Variants in ASTN1 observed in about 807,000 individuals in gnomAD.
ASTN1 encodes astrotactin 1, also known as astrotactin-1.
A neutral mutation model predicts 140.7 loss-of-function variants in ASTN1; 41 were observed. That is an observed-to-expected ratio of 0.29 (90% confidence interval 0.23 to 0.38). The LOEUF is 0.38. ASTN1 is among the 10% of genes least tolerant of loss of function. ASTN1 has a pLI of 1.00. For missense variants in ASTN1, 1,479 were observed against 1,678.8 expected, an observed-to-expected ratio of 0.88 and a Z score of 2.08; for synonymous variants, 640 against 652.2, an observed-to-expected ratio of 0.98 and a Z score of 0.29.
At chr1:176,892,523 A>G (rs920714199) in intron 17 of ASTN1, among the ~76,000 whole-genome samples, 6 of 152,224 alleles carry the variant, frequency 3.9e-5, no homozygotes, top group African/African-American at 1.4e-4. Context: ...GCCACACAAC[A>G]AGTATGAGTT....
In ASTN1 at chr1:176,894,686, C is replaced by T; in HGVS notation, c.2816G>A (p.Cys939Tyr). Residue 939 changes from cysteine to tyrosine, a missense_variant, in exon 17 of 23, where the codon TGC (cysteine) becomes TAC (tyrosine). Physicochemically the swap from Cys to Tyr is radical, Grantham distance 194 (BLOSUM62 -2). Transcript: ENST00000361833. ...VRMECHSKGRCPSSCPLCHVT... is the reference protein window; with the variant it reads ...VRMECHSKGRYPSSCPLCHVT... ...ATGACACAGGGGGCAGGACGAGGGG[C>T]ATCGTCCCTTGCTGTGGCACTCCAT... The T allele has an allele frequency of 6.2e-7, 1 of 1,614,122 alleles. No homozygotes were observed. Among genetic ancestry groups the T allele is most frequent in the Non-Finnish European group, 8.5e-7 (1 of 1,180,032 alleles).
At chr1:176,967,968 G>C (rs1167923007) in intron 8 of ASTN1, among the ~76,000 whole-genome samples, 2 of 151,630 alleles carry the variant, frequency 1.3e-5, no homozygotes, top group African/African-American at 4.8e-5. Flanking sequence ...TTAGAGGCAG[G>C]AGTGTAGTGT....
At chr1:176,981,876 T>C (rs1673636816) in intron 8 of ASTN1, 1 of 152,506 alleles carries the variant, frequency 6.6e-6, no homozygotes, top group African/African-American at 2.4e-5. Context: ...AACATTTCTA[T>C]ATGAGAAATG....
intron 19 of ASTN1, 107 bp downstream of exon 19, chr1:176,884,232 C>G: frequency 3.0e-6 from 4 of 1,339,402 alleles, no homozygotes; most frequent in Non-Finnish European, 4.1e-6. Context: ...CCTGCATTGC[C>G]CTGGGATACT....
chr1:176,924,166 T>A (rs997182411), intron 16 of ASTN1, among the ~76,000 whole-genome samples: 3 of 152,176 alleles, frequency 2.0e-5, no homozygotes, highest in African/African-American at 7.2e-5. Context: ...CTTCTCTACA[T>A]ACCCCATCCA....
chr1:177,099,821 G>A (rs888026094), intron 1 of ASTN1, among the ~76,000 whole-genome samples: 28 of 152,142 alleles, frequency 1.8e-4, no homozygotes, highest in African/African-American at 6.8e-4. Flanking sequence ...AATGACATCA[G>A]AGAAGTGTGA....
chr1:177,059,542 G>A (rs1199738218), intron 2 of ASTN1, among the ~76,000 whole-genome samples: 1 of 152,152 alleles, frequency 6.6e-6, no homozygotes, highest in Non-Finnish European at 1.5e-5. Context: ...GGATATTAAG[G>A]CTTAACATTT....
At chr1:176,965,994 A>G (rs1348076219) in intron 8 of ASTN1, among the ~76,000 whole-genome samples, 1 of 152,218 alleles carries the variant, frequency 6.6e-6, no homozygotes, top group East Asian at 1.9e-4. Flanking sequence ...TTTCTTTTAA[A>G]TAGTGTATAT....
intron 1 of ASTN1, among the ~76,000 whole-genome samples, chr1:177,121,892 C>T (rs901435978): frequency 6.6e-6 from 1 of 152,172 alleles, no homozygotes; most frequent in African/African-American, 2.4e-5. Context: ...GAAATGGTGG[C>T]CCTGCTGGCA....
intron 16 of ASTN1, among the ~76,000 whole-genome samples, chr1:176,915,814 C>A (rs898825129): frequency 2.0e-5 from 3 of 152,144 alleles, no homozygotes; most frequent in Admixed American, 2.0e-4. Context: ...TTGACATGCA[C>A]CAGGCTAGTG....
intron 1 of ASTN1, among the ~76,000 whole-genome samples, chr1:177,145,049 T>C (rs1398891729): frequency 6.6e-6 from 1 of 152,186 alleles, no homozygotes; most frequent in Non-Finnish European, 1.5e-5. Context: ...TCTTAGTGTC[T>C]GACCCCAGGA....
At position 176,943,923 on chromosome 1, in the gene ASTN1, G is replaced by A. The variant is rs775289022; in HGVS notation, c.2345C>T (p.Ser782Leu). ...PLENQCLEEISEPTPDPDFLT... is the reference protein window; with the variant it reads ...PLENQCLEEILEPTPDPDFLT... ...GAAGTCAGGGTCAGGGGTGGGCTCC[G>A]AGATCTCCTCTAGGCATTGATTCTC... The change falls in exon 14 of 23, where the codon TCG becomes TTG. Residue 782 changes from serine (S) to leucine (L), a missense_variant. Ser to Leu is a moderately radical substitution (Grantham distance 145). Around this residue, in one of 3 missense-constraint regions of ASTN1, gnomAD observed 746 missense variants for 800.9 expected, o/e 0.93. Coordinates refer to ENST00000361833, the MANE Select transcript of ASTN1 (RefSeq NM_004319.3). 8 of 1,612,062 alleles carry A rather than the reference G, an allele frequency of 5.0e-6. No individual in the cohort carries two copies. Among genetic ancestry groups the A allele is most frequent in the Middle Eastern group, 1.6e-4 (1 of 6,076 alleles).
At chr1:177,084,123 A>T (rs1413684826) in intron 1 of ASTN1, among the ~76,000 whole-genome samples, 3 of 152,184 alleles carry the variant, frequency 2.0e-5, no homozygotes, top group Non-Finnish European at 4.4e-5. Context: ...TCTGACTCCA[A>T]GGCACAGTGC....
chr1:177,140,426 T>C (rs1682410780), intron 1 of ASTN1, among the ~76,000 whole-genome samples: 1 of 152,176 alleles, frequency 6.6e-6, no homozygotes, highest in Non-Finnish European at 1.5e-5. Flanking sequence ...GTGAATAAAA[T>C]AATCTTCTAA....
intron 1 of ASTN1, among the ~76,000 whole-genome samples, chr1:177,097,871 T>C (rs1371842788): frequency 6.6e-6 from 1 of 152,104 alleles, no homozygotes; most frequent in East Asian, 1.9e-4. Context: ...AATGACAGGG[T>C]TTAGAGAGCT....
chr1:177,107,939 A>T (rs1378048259), intron 1 of ASTN1, among the ~76,000 whole-genome samples: 3 of 151,998 alleles, frequency 2.0e-5, no homozygotes. Context: ...TTTTTAAGGG[A>T]TGTTACAAAA....
intron 1 of ASTN1, among the ~76,000 whole-genome samples, chr1:177,152,872 G>A (rs777101107): frequency 2.0e-5 from 3 of 152,120 alleles, no homozygotes; most frequent in Non-Finnish European, 4.4e-5. Flanking sequence ...ATAGGCACAT[G>A]AATATATAGA....
intron 8 of ASTN1, among the ~76,000 whole-genome samples, chr1:176,970,864 G>T (rs1673116207): frequency 1.3e-5 from 2 of 151,894 alleles, no homozygotes; most frequent in South Asian, 4.2e-4. Flanking sequence ...GCTTTTTCCG[G>T]ACTTACATAT....
chr1:177,061,303 G>A, intron 1 of ASTN1, 38 bp from the exon 2 acceptor site: 1 of 1,443,246 alleles, frequency 6.9e-7, no homozygotes. Context: ...TGAGAATTAG[G>A]ATGGGACCAA....
Sources: allele counts gnomAD v4.1 joint callset (sites outside exome capture counted in the v4.1 genomes callset), GRCh38; gene constraint gnomAD v4.1.1; regional missense constraint gnomAD v4.1.1; transcripts MANE v1.5; gene names NCBI Gene and HGNC (gene_info 2026-07-23, HGNC 2026-07-21).